The following HS3ST2 variants were observed in gnomAD, a reference collection of about 807,000 sequenced individuals.
HS3ST2 encodes the protein heparan sulfate glucosamine 3-O-sulfotransferase 2.
A neutral mutation model predicts 26.3 loss-of-function variants in HS3ST2; 17 were observed. The observed-to-expected ratio is 0.65, with a 90% CI of 0.44 to 0.97. HS3ST2 has a LOEUF of 0.97. Among genes scored for constraint, HS3ST2 ranks in the 50% least tolerant of loss-of-function variants. The pLI is 0.00. For synonymous variants in HS3ST2, 237 were observed against 219.2 expected, an observed-to-expected ratio of 1.08 and a Z score of -0.72; for missense variants, 402 against 501.2, an observed-to-expected ratio of 0.80 and a Z score of 1.89.
At chr16:22,859,841 T>C (rs74014351) in intron 1 of HS3ST2, among the ~76,000 whole-genome samples, 1,931 of 152,286 alleles carry the variant, frequency 0.013, 36 homozygotes, top group African/African-American at 0.044. Context: ...GGTCTGGACC[T>C]GGTCCGAGGG....
intron 1 of HS3ST2, among the ~76,000 whole-genome samples, chr16:22,900,540 T>G (rs567753599): frequency 6.6e-6 from 1 of 151,886 alleles, no homozygotes; most frequent in African/African-American, 2.4e-5. Flanking sequence ...ACCAATTGAA[T>G]TTGGTTATAG....
At chr16:22,863,229 G>A (rs1249075083) in intron 1 of HS3ST2, among the ~76,000 whole-genome samples, 4 of 152,202 alleles carry the variant, frequency 2.6e-5, no homozygotes, top group Non-Finnish European at 4.4e-5. Context: ...CATCGTTGCC[G>A]ATTTGTTCCT....
At chr16:22,911,661 G>A (rs1278600641) in intron 1 of HS3ST2, among the ~76,000 whole-genome samples, 1 of 152,128 alleles carries the variant, frequency 6.6e-6, no homozygotes, top group Non-Finnish European at 1.5e-5. Context: ...TTCACACTCT[G>A]CCTTCATCTT....
intron 1 of HS3ST2, among the ~76,000 whole-genome samples, chr16:22,820,186 T>C (rs1397215574): frequency 6.6e-6 from 1 of 151,998 alleles, no homozygotes; most frequent in Non-Finnish European, 1.5e-5. Context: ...CCCATTTGTC[T>C]TGCAGCACTC....
At chr16:22,843,513 G>A (rs1229569968) in intron 1 of HS3ST2, among the ~76,000 whole-genome samples, 3 of 152,206 alleles carry the variant, frequency 2.0e-5, no homozygotes, top group Non-Finnish European at 4.4e-5. Context: ...ATTTGTTAGA[G>A]TGGCTCACAG....
At chr16:22,839,154 T>C (rs1012672308) in intron 1 of HS3ST2, among the ~76,000 whole-genome samples, 1 of 152,268 alleles carries the variant, frequency 6.6e-6, no homozygotes, top group Non-Finnish European at 1.5e-5. Context: ...GCCTCCAGTT[T>C]CTGTGCCTAG....
intron 1 of HS3ST2, among the ~76,000 whole-genome samples, chr16:22,870,463 G>A (rs980794252): frequency 2.6e-5 from 4 of 152,058 alleles, no homozygotes; most frequent in South Asian, 2.1e-4. Context: ...AGCATAAGTC[G>A]AATCACGTCG....
At chr16:22,895,623 T>C (rs1902200549) in intron 1 of HS3ST2, among the ~76,000 whole-genome samples, 1 of 152,216 alleles carries the variant, frequency 6.6e-6, no homozygotes, top group African/African-American at 2.4e-5. Flanking sequence ...TTGAAAATTA[T>C]GGTGTTTGGC....
chr16:22,868,039 T>C (rs2141192006), intron 1 of HS3ST2, among the ~76,000 whole-genome samples: 1 of 152,312 alleles, frequency 6.6e-6, no homozygotes, highest in East Asian at 1.9e-4. Flanking sequence ...GCTCAATTTG[T>C]GTGATTCTGC....
chr16:22,814,508 G>A lies in HS3ST2; in HGVS notation c.-103G>A, dbSNP rs1900821992. ...CCCCCAACGCCCGACCCGCGTGGCC[G>A]TGGCAGCGCCACGCGAGCCCTCTAG... is the stretch of plus-strand genomic sequence containing the variant. On this transcript the variant is annotated 5_prime_UTR_variant, in exon 1 of 2. It adds an upstream start codon to the 5' untranslated region. Transcript: ENST00000261374. 2 of 1,316,852 alleles carry A rather than the reference G, an allele frequency of 1.5e-6. No individual in the cohort carries two copies. Among genetic ancestry groups the A allele is most frequent in the East Asian group, 2.9e-5 (1 of 34,276 alleles). The allele number at this position is 1,316,852 out of a possible 1,614,324, so 81.6% of individuals were successfully genotyped here.
intron 1 of HS3ST2, among the ~76,000 whole-genome samples, chr16:22,857,655 C>T (rs74318763): frequency 3.9e-5 from 6 of 152,096 alleles, no homozygotes; most frequent in Admixed American, 2.6e-4. Context: ...AATGATAGCC[C>T]GGACATCAAT....
intron 1 of HS3ST2, among the ~76,000 whole-genome samples, chr16:22,844,008 TACACACACACACAC>T (rs71876208): frequency 1.3e-5 from 2 of 148,420 alleles, no homozygotes; most frequent in Non-Finnish European, 3.0e-5. Flanking sequence ...GATGAAAACC[TACACACACACACAC>T]ACACACACAC....
rs115936981 is a variant in HS3ST2 at position 22,853,913 on chromosome 16, G to T, written c.485+38818G>T. ...CTGGCACACTTATTGGCCTCAACAG[G>T]TTGACTCTTCTTGAGTCAATTTTGG... On this transcript the variant is annotated intron_variant, in intron 1 of 1. Coordinates refer to ENST00000261374, the MANE Select transcript of HS3ST2 (RefSeq NM_006043.2). Among the ~76,000 whole-genome samples, 1,417 of 152,272 alleles carry T rather than the reference G, an allele frequency of 9.3e-3. 27 individuals are homozygous for T. The highest frequency in any genetic ancestry group is 0.033 in the African/African-American group (1,352 of 41,550).
chr16:22,849,057 T>C (rs1567487277), intron 1 of HS3ST2, among the ~76,000 whole-genome samples: 1 of 152,208 alleles, frequency 6.6e-6, no homozygotes, highest in Non-Finnish European at 1.5e-5. Flanking sequence ...TGTTTTTACA[T>C]CTGTATGCCT....
At chr16:22,908,021 G>A (rs959921378) in intron 1 of HS3ST2, among the ~76,000 whole-genome samples, 2 of 152,146 alleles carry the variant, frequency 1.3e-5, no homozygotes, top group African/African-American at 4.8e-5. Context: ...CAGCTACTTG[G>A]GGAGCTGAGG....
chr16:22,824,716 C>T (rs1433234031), intron 1 of HS3ST2, among the ~76,000 whole-genome samples: 3 of 152,202 alleles, frequency 2.0e-5, no homozygotes, highest in Non-Finnish European at 4.4e-5. Context: ...AGACCCACTG[C>T]AGAAAATGGT....
At chr16:22,914,736 C>CAAAAAAAAAAAAA (rs1159639879) in intron 1 of HS3ST2, among the ~76,000 whole-genome samples, 2 of 35,942 alleles carry the variant, frequency 5.6e-5, no homozygotes, top group African/African-American at 1.9e-4. Flanking sequence ...GACCTTGTCT[C>CAAAAAAAAAAAAA]AAAAAAAAAA....
At chr16:22,853,461 G>A (rs182757751) in intron 1 of HS3ST2, among the ~76,000 whole-genome samples, 6 of 152,264 alleles carry the variant, frequency 3.9e-5, no homozygotes, top group East Asian at 1.9e-4. Flanking sequence ...TCAGGAATCC[G>A]TGAATGGGTA....
At chr16:22,845,029 T>C (rs1484586572) in intron 1 of HS3ST2, among the ~76,000 whole-genome samples, 1 of 149,662 alleles carries the variant, frequency 6.7e-6, no homozygotes, top group African/African-American at 2.6e-5. Flanking sequence ...TAATTTTTTG[T>C]ATTTTTAGTA....
Sources: gnomAD v4.1 joint callset for allele counts (sites outside exome capture counted in the v4.1 genomes callset) on GRCh38, gnomAD v4.1.1 for gene constraint, MANE v1.5 for transcripts, NCBI Gene and HGNC (gene_info 2026-07-23, HGNC 2026-07-21) for gene names.